The following LACTBL1 variants were observed in gnomAD, a reference collection of about 807,000 sequenced individuals.
LACTBL1 encodes lactamase beta like 1.
A neutral mutation model predicts 39.6 loss-of-function variants in LACTBL1; 29 were observed. The ratio of observed to expected loss-of-function variants is 0.73; its 90% CI spans 0.55 to 1.00. LACTBL1 has a LOEUF of 1.00. LACTBL1 is among the 50% of genes least tolerant of loss of function. LACTBL1 has a pLI of 0.00. For missense variants in LACTBL1, 711 were observed against 748.5 expected, an observed-to-expected ratio of 0.95 and a Z score of 0.59; for synonymous variants, 361 against 360.7, an observed-to-expected ratio of 1.00 and a Z score of -0.01.
exon 6 of LACTBL1, chr1:22,953,877 C>T: frequency 6.5e-7 from 1 of 1,549,214 alleles, no homozygotes; most frequent in Non-Finnish European, 8.7e-7. Context: ...GGCGCGCGCG[C>T]ACGTCGGGCG....
the LACTBL1 span, among the ~76,000 whole-genome samples, chr1:22,970,718 G>A: frequency 1.3e-5 from 2 of 150,478 alleles, no homozygotes; most frequent in Admixed American, 6.7e-5. Context: ...GCTGAGGTGT[G>A]AGGATTGCTT....
At chr1:22,971,631 C>T in the LACTBL1 span, among the ~76,000 whole-genome samples, 17 of 152,298 alleles carry the variant, frequency 1.1e-4, no homozygotes, top group Admixed American at 7.8e-4. Flanking sequence ...AAACAATCCC[C>T]GAGGGCTTGC....
At chr1:22,953,989 G>A in exon 6 of LACTBL1, 1 of 1,544,954 alleles carries the variant, frequency 6.5e-7, no homozygotes, top group Non-Finnish European at 8.7e-7. Flanking sequence ...CAGGACGTGG[G>A]CCAGGAGCGA....
upstream of LACTBL1, among the ~76,000 whole-genome samples, chr1:22,969,302 G>A (rs1420728930): frequency 6.6e-6 from 1 of 152,088 alleles, no homozygotes; most frequent in Non-Finnish European, 1.5e-5. Flanking sequence ...TTTTCCATTT[G>A]GATAATCAAT....
At chr1:22,968,634 T>C (rs1640907884), upstream of LACTBL1, among the ~76,000 whole-genome samples, 2 of 152,212 alleles carry the variant, frequency 1.3e-5, no homozygotes, top group Non-Finnish European at 2.9e-5. Flanking sequence ...GTTGATAACT[T>C]TTGTGGAGAG....
chr1:22,965,194 G>C, intron 1 of LACTBL1, 96 bp downstream of exon 3: 1 of 1,078,604 alleles, frequency 9.3e-7, no homozygotes, highest in Non-Finnish European at 1.2e-6. Flanking sequence ...AAATCTTATG[G>C]TCCTCCCCTA....
At chr1:22,960,059 A>G (rs1444059491) in exon 3 of LACTBL1, 1 of 1,550,592 alleles carries the variant, frequency 6.4e-7, no homozygotes, top group Non-Finnish European at 8.7e-7. Context: ...CATGGCAGCC[A>G]CGCCTGGGGC....
At chr1:22,953,832 C>T (rs112852217) in exon 6 of LACTBL1, 2 of 1,547,636 alleles carry the variant, frequency 1.3e-6, no homozygotes, top group South Asian at 1.2e-5. Context: ...CATAGAGTGG[C>T]GCCGGCCGCC....
chr1:22,969,574 C>A (rs578249407), upstream of LACTBL1, among the ~76,000 whole-genome samples: 20 of 152,326 alleles, frequency 1.3e-4, no homozygotes, highest in African/African-American at 4.3e-4. Flanking sequence ...TATGATCCGA[C>A]TCCAGCGAAC....
chr1:22,968,012 A>G (rs1640900852), upstream of LACTBL1, among the ~76,000 whole-genome samples: 1 of 152,078 alleles, frequency 6.6e-6, no homozygotes, highest in Non-Finnish European at 1.5e-5. Context: ...TGTAACACCC[A>G]TGCTTGATCT....
upstream of LACTBL1, among the ~76,000 whole-genome samples, chr1:22,965,952 T>C (rs1640872428): frequency 6.6e-6 from 1 of 152,132 alleles, no homozygotes; most frequent in Non-Finnish European, 1.5e-5. Flanking sequence ...TAGCAAGGAA[T>C]GAAGAGTCAC....
intron 4 of LACTBL1, among the ~76,000 whole-genome samples, chr1:22,958,287 G>A (rs1557770651): frequency 6.6e-6 from 1 of 151,860 alleles, no homozygotes; most frequent in Non-Finnish European, 1.5e-5. Context: ...GTCTTACTAT[G>A]TTGCCCAGAC....
chr1:22,958,975 C>A, intron 3 of LACTBL1, 55 bp from the exon 6 acceptor site: 1 of 1,184,506 alleles, frequency 8.4e-7, no homozygotes. Context: ...GCCCCACAAC[C>A]CACCTCCTGC....
chr1:22,962,163 GTTA>G (rs1179929729), intron 2 of LACTBL1, among the ~76,000 whole-genome samples: 8 of 152,154 alleles, frequency 5.3e-5, no homozygotes, highest in Non-Finnish European at 8.8e-5. Flanking sequence ...AGGCAGCATG[GTTA>G]TTATTGTTGC....
intron 2 of LACTBL1, among the ~76,000 whole-genome samples, chr1:22,961,089 A>G (rs577739955): frequency 6.6e-6 from 1 of 152,262 alleles, no homozygotes; most frequent in South Asian, 2.1e-4. Context: ...CTGAACATTT[A>G]TTGAAAATAC....
chr1:22,960,890 C>T (rs984723498), intron 2 of LACTBL1, among the ~76,000 whole-genome samples: 7 of 152,112 alleles, frequency 4.6e-5, no homozygotes, highest in African/African-American at 1.7e-4. Context: ...AGTGATCCTC[C>T]CGCCTCAACC....
the LACTBL1 span, among the ~76,000 whole-genome samples, chr1:22,971,742 G>GC: frequency 2.0e-5 from 3 of 152,232 alleles, no homozygotes; most frequent in African/African-American, 7.2e-5. Flanking sequence ...CTCTGGCTCT[G>GC]CCGTTACTAG....
At chr1:22,954,104 G>T in intron 5 of LACTBL1, 80 bp from the exon 8 acceptor site, 1 of 1,454,506 alleles carries the variant, frequency 6.9e-7, no homozygotes, top group South Asian at 1.5e-5. Flanking sequence ...AGTTTCATGG[G>T]ACTGGGCGGG....
intron 2 of LACTBL1, among the ~76,000 whole-genome samples, chr1:22,962,732 T>C (rs1640838073): frequency 6.6e-6 from 1 of 152,064 alleles, no homozygotes; most frequent in South Asian, 2.1e-4. Flanking sequence ...ACCACACACA[T>C]GTCATCTGGG....
Sources: allele counts gnomAD v4.1 joint callset (sites outside exome capture counted in the v4.1 genomes callset), GRCh38; gene constraint gnomAD v4.1.1; transcripts MANE v1.5; gene names NCBI Gene and HGNC (gene_info 2026-07-23, HGNC 2026-07-21).